Variants in DOCK8 observed in about 807,000 individuals in gnomAD.
DOCK8 encodes the protein dedicator of cytokinesis 8.
Under a neutral mutation model 245.6 loss-of-function variants are expected in DOCK8, and 141 were observed. That is an observed-to-expected ratio of 0.57 (90% confidence interval 0.50 to 0.66). The LOEUF (loss-of-function observed/expected upper bound fraction) is 0.66, where lower values mean the gene tolerates loss of function less well. DOCK8 is among the 30% of genes least tolerant of loss of function. The pLI is 0.00. For synonymous variants in DOCK8, 1,168 were observed against 970.2 expected (o/e 1.20, Z -3.79); for missense variants, 2,965 against 2,603.4 (o/e 1.14, Z -3.02).
intron 1 of DOCK8, among the ~76,000 whole-genome samples, chr9:252,964 G>A (rs73372559): frequency 0.032 from 4,864 of 152,230 alleles, 245 homozygotes; most frequent in African/African-American, 0.11. Flanking sequence ...AAAGCACAGA[G>A]TGTTTTATTC....
At chr9:312,207 A>G (rs2050152324) in intron 6 of DOCK8, 41 bp downstream of exon 6, 1 of 1,591,226 alleles carries the variant, frequency 6.3e-7, no homozygotes, top group Admixed American at 1.7e-5. Context: ...CTCAGTGAAG[A>G]CTCTGAGAGT....
At chr9:452,894 T>C (rs576264706) in intron 46 of DOCK8, 3 of 152,334 alleles carry the variant, frequency 2.0e-5, no homozygotes, top group South Asian at 2.1e-4. Context: ...GACAGATATA[T>C]TGGGTCTCCT....
At chr9:231,399 C>G (rs2047113759) in intron 1 of DOCK8, among the ~76,000 whole-genome samples, 1 of 152,010 alleles carries the variant, frequency 6.6e-6, no homozygotes, top group Non-Finnish European at 1.5e-5. Flanking sequence ...TTTTTTGGTT[C>G]CATATGAACT....
chr9:232,200 A>G (rs1366828232), intron 1 of DOCK8, among the ~76,000 whole-genome samples: 1 of 152,110 alleles, frequency 6.6e-6, no homozygotes, highest in Non-Finnish European at 1.5e-5. Context: ...GATTACATTT[A>G]TTGATTTGTG....
chr9:348,601 G>A (rs2052013838), intron 14 of DOCK8, among the ~76,000 whole-genome samples: 1 of 152,214 alleles, frequency 6.6e-6, no homozygotes, highest in African/African-American at 2.4e-5. Context: ...AAGTGGTGAT[G>A]AAATTAAGTC....
At chr9:259,423 T>C (rs1364529672) in intron 1 of DOCK8, among the ~76,000 whole-genome samples, 1 of 152,244 alleles carries the variant, frequency 6.6e-6, no homozygotes, top group African/African-American at 2.4e-5. Flanking sequence ...TGTACTTAGA[T>C]TTAAATGCAT....
chr9:275,538 T>A (rs138924310), intron 2 of DOCK8, among the ~76,000 whole-genome samples: 1 of 152,312 alleles, frequency 6.6e-6, no homozygotes, highest in Non-Finnish European at 1.5e-5. Context: ...GACTTTAACT[T>A]GAAGCCCAGG....
At chr9:371,612 A>G (rs1448453452) in intron 17 of DOCK8, 46 bp downstream of exon 17, 1 of 1,613,242 alleles carries the variant, frequency 6.2e-7, no homozygotes, top group Admixed American at 1.7e-5. Context: ...TTGTTGGTGC[A>G]TCTGAGGTCC....
chr9:271,742 T>C lies in DOCK8; in HGVS notation c.156+13T>C. 6.5e-7 allele frequency: 1 copy of C among 1,538,578 alleles called. No individual in the cohort carries two copies. The highest frequency in any genetic ancestry group is 8.8e-7 in the Non-Finnish European group (1 of 1,135,282). On this transcript the variant is annotated intron_variant, in intron 2 of 47. Coordinates refer to ENST00000432829, the MANE Select transcript of DOCK8 (RefSeq NM_203447.4). ...CTCTCTTCAACTAGTAAGTATGAGT[T>C]CCAGGTTTACTTAGCGATTGGTCAA...
intron 13 of DOCK8, 48 bp from the exon 14 acceptor site, chr9:340,111 A>G: frequency 6.3e-7 from 1 of 1,593,044 alleles, no homozygotes; most frequent in East Asian, 2.2e-5. Flanking sequence ...TGATTCCCTC[A>G]TAACATGACA....
chr9:372,143 C>A (rs1232472350), intron 17 of DOCK8, 42 bp from the exon 18 acceptor site: 1 of 1,498,808 alleles, frequency 6.7e-7, no homozygotes, highest in African/African-American at 1.4e-5. Context: ...GAATTATATG[C>A]TGTAATAAAT....
intron 1 of DOCK8, chr9:215,463 T>G (rs1240876854): frequency 6.7e-7 from 1 of 1,485,890 alleles, no homozygotes; most frequent in Non-Finnish European, 8.9e-7. Context: ...GAAATTAGAG[T>G]TGCGTTTGAG....
intron 44 of DOCK8, 144 bp from the exon 45 acceptor site, chr9:449,640 C>G: frequency 2.0e-6 from 2 of 982,188 alleles, no homozygotes; most frequent in South Asian, 1.4e-5. Flanking sequence ...TCTTTTTAAC[C>G]TGTTAAGAGT....
intron 33 of DOCK8, among the ~76,000 whole-genome samples, chr9:424,959 GATA>G (rs962271323): frequency 4.6e-5 from 7 of 152,148 alleles, no homozygotes; most frequent in African/African-American, 1.7e-4. Flanking sequence ...TTCAAATTGA[GATA>G]ATAAATCAAG....
chr9:364,168 G>T (rs994630344), intron 14 of DOCK8, among the ~76,000 whole-genome samples: 1 of 152,112 alleles, frequency 6.6e-6, no homozygotes, highest in Admixed American at 6.5e-5. Flanking sequence ...TGACCTGAAC[G>T]CTTATTTTTA....
intron 27 of DOCK8, among the ~76,000 whole-genome samples, chr9:406,557 T>C (rs971554816): frequency 1.6e-4 from 25 of 151,988 alleles, no homozygotes; most frequent in Admixed American, 1.2e-3. Flanking sequence ...GGCATTTGGT[T>C]ACAGAGGAAT....
chr9:384,712 C>G (rs560180514), intron 22 of DOCK8, among the ~76,000 whole-genome samples: 103 of 152,156 alleles, frequency 6.8e-4, no homozygotes, highest in South Asian at 2.3e-3. Context: ...GTCAGGAGAT[C>G]GAGACCATCC....
chr9:242,561 TG>T (rs2047399429), intron 1 of DOCK8, among the ~76,000 whole-genome samples: 1 of 152,216 alleles, frequency 6.6e-6, no homozygotes, highest in Admixed American at 6.5e-5. Flanking sequence ...GTATAAGTCT[TG>T]TAATAGCCCA....
chr9:444,868 GCTTT>G (rs1322004255), intron 43 of DOCK8, among the ~76,000 whole-genome samples: 1 of 152,184 alleles, frequency 6.6e-6, no homozygotes, highest in Non-Finnish European at 1.5e-5. Flanking sequence ...CCATGAATGA[GCTTT>G]CTAAGTTACT....
Sources: allele counts gnomAD v4.1 joint callset (sites outside exome capture counted in the v4.1 genomes callset), GRCh38; gene constraint gnomAD v4.1.1; transcripts MANE v1.5; gene names NCBI Gene and HGNC (gene_info 2026-07-23, HGNC 2026-07-21).